The following MTSS2 variants were observed in gnomAD, a reference collection of about 807,000 sequenced individuals.
MTSS2 encodes protein MTSS 2.
In MTSS2, 27 loss-of-function variants were observed where a neutral mutation model predicts 67.1. The observed-to-expected ratio is 0.40, with a 90% CI of 0.30 to 0.55. The LOEUF is 0.55. Among genes scored for constraint, MTSS2 ranks in the 20% least tolerant of loss-of-function variants. The pLI is 0.43. For synonymous variants in MTSS2, 624 were observed against 468.6 expected, an observed-to-expected ratio of 1.33 and a Z score of -4.28; for missense variants, 1,171 against 1,067.8, an observed-to-expected ratio of 1.10 and a Z score of -1.35.
rs2052585884 is a variant in MTSS2 at position 70,663,855 on chromosome 16, C to G, written c.2066G>C (p.Gly689Ala). 1 of 1,542,290 alleles carries G rather than the reference C, an allele frequency of 6.5e-7. No homozygotes were observed. The highest frequency in any genetic ancestry group is 2.4e-5 in the East Asian group (1 of 40,928). Residue 689 changes from glycine to alanine, a missense_variant, in exon 15 of 15, where the codon GGT (glycine) becomes GCT (alanine). Physicochemically the swap from Gly to Ala is moderately conservative, Grantham distance 60. Transcript: ENST00000338779. Reference sequence around the variant, plus strand: ...AGTGGGGAAGGGGAACTGGCCCTCACCCAGTGCGTGGGCACCCGCCACCAG... The same window carrying G: ...AGTGGGGAAGGGGAACTGGCCCTCAGCCAGTGCGTGGGCACCCGCCACCAG... ...GELVAGAHAL[G>A]EGQFPFPTAL...
chr16:70,679,221 T>C, intron 7 of MTSS2, 94 bp downstream of exon 7: 4 of 1,484,448 alleles, frequency 2.7e-6, no homozygotes, highest in Non-Finnish European at 3.8e-6. Context: ...CTCCTTGGCC[T>C]GGAGAGGTTC....
In MTSS2 at chr16:70,662,304, C is replaced by G. The variant is rs1409061952; in HGVS notation, c.*1373G>C. 6.6e-6 allele frequency: 1 copy of G among 152,356 alleles called. No homozygotes were observed. 9.4% of individuals were successfully genotyped at this position (152,356 alleles called of 1,614,324 possible). On this transcript the variant is annotated 3_prime_UTR_variant, in exon 15 of 15. Transcript: ENST00000338779. Reference sequence around the variant, plus strand: ...CTTTCCCTCCTGACCTGCGGGGCCACCAGGACTCCCTCCGCTCGCCCTAGG... The same window carrying G: ...CTTTCCCTCCTGACCTGCGGGGCCAGCAGGACTCCCTCCGCTCGCCCTAGG...
chr16:70,681,006 T>C lies in MTSS2; in HGVS notation c.89A>G (p.Glu30Gly). 1 of 1,610,100 alleles carries C rather than the reference T, an allele frequency of 6.2e-7. No homozygotes were observed. The change falls in exon 2 of 15, where the codon GAG becomes GGG. Residue 30 changes from glutamate to glycine, a missense_variant. Coordinates refer to ENST00000338779, the MANE Select transcript of MTSS2 (RefSeq NM_138383.3). ...NDMKSSYPIWEDFNSKATKLH... is the reference protein window; with the variant it reads ...NDMKSSYPIWGDFNSKATKLH... ...CTTCGTGGCCTTGGAGTTGAAGTCC[T>C]CCCAGATAGGGTAGGAGCTCTGCCG...
At chr16:70,670,347 T>A (rs546948981) in intron 11 of MTSS2, among the ~76,000 whole-genome samples, 22 of 152,298 alleles carry the variant, frequency 1.4e-4, no homozygotes, top group African/African-American at 5.1e-4. Flanking sequence ...TATGAGCACT[T>A]GGCTTACTGT....
At position 70,674,397 on chromosome 16, in the gene MTSS2, G is replaced by C; in HGVS notation, c.962C>G (p.Ser321Cys). The C allele has an allele frequency of 3.7e-6, 6 of 1,614,208 alleles. No individual in the cohort carries two copies. Among genetic ancestry groups the C allele is most frequent in the Non-Finnish European group, 4.2e-6 (5 of 1,180,038 alleles). The change falls in exon 11 of 15, where the codon TCC (serine) becomes TGC (cysteine). Residue 321 changes from serine to cysteine, a missense_variant. Physicochemically the swap from Ser to Cys is moderately radical, Grantham distance 112. This residue lies in a region of MTSS2 where 924 missense variants were observed against 756.0 expected (regional missense o/e 1.22). Coordinates refer to ENST00000338779, the MANE Select transcript of MTSS2 (RefSeq NM_138383.3). ...AQPATTTARL[S>C]SVSSHDSGFV... The stretch of plus-strand genomic sequence containing the variant: ...GCCAGAGTCATGGGAGGAAACGCTG[G>C]AGAGGCGAGCGGTGGTGGTGGCTGG...
chr16:70,661,340 G>GGAAA lies in MTSS2; in HGVS notation c.*2333_*2336dup, dbSNP rs776556639. Reference sequence around the variant, plus strand: ...GAGGAGAATTTTTCCAAAATCTGACGGAAAGAAAAGAAACAAATGGTTCAG... The same window carrying GGAAA: ...GAGGAGAATTTTTCCAAAATCTGACGGAAAGAAAGAAAAGAAACAAATGGTTCAG... On this transcript the variant is annotated 3_prime_UTR_variant, in exon 15 of 15. Transcript: ENST00000338779. 3.7e-5 allele frequency: 16 copies of GGAAA among 430,862 alleles called. No homozygotes were observed. Among genetic ancestry groups the GGAAA allele is most frequent in the South Asian group, 2.5e-4 (16 of 63,220 alleles). 26.7% of individuals were successfully genotyped at this position (430,862 alleles called of 1,614,324 possible).
At chr16:70,681,410 T>C (rs1597828183) in intron 1 of MTSS2, among the ~76,000 whole-genome samples, 1 of 152,324 alleles carries the variant, frequency 6.6e-6, no homozygotes, top group African/African-American at 2.4e-5. Context: ...GCATCGTGTC[T>C]CCCGGACATG....
At chr16:70,665,843 A>T (rs2151911186) in intron 11 of MTSS2, 1 of 282,442 alleles carries the variant, frequency 3.5e-6, no homozygotes, top group East Asian at 7.2e-5. Flanking sequence ...GGGGAAAAAG[A>T]GATACTAAGG....
At chr16:70,680,918 G>GGCCCCCC in intron 2 of MTSS2, 46 bp downstream of exon 2, 1 of 1,097,286 alleles carries the variant, frequency 9.1e-7, no homozygotes, top group Non-Finnish European at 1.3e-6. Flanking sequence ...CGGGGGGGGG[G>GGCCCCCC]CCTCTGCCTG....
Position 70,664,954 on chromosome 16 carries a change from C to T in MTSS2, c.1271G>A (p.Arg424Gln), listed in dbSNP as rs759883229. 1.0e-5 allele frequency: 16 copies of T among 1,566,126 alleles called. No individual in the cohort carries two copies. The highest frequency in any genetic ancestry group is 2.1e-4 in the Middle Eastern group (1 of 4,876). The part of the protein sequence containing the change: ...TLGPSGEEAP[R>Q]PRMSPATIAA... Reference sequence around the variant, plus strand: ...GATGGTGGCAGGGGACATCCGGGGTCGCGGTGCCTCTTCCCCGCTGGGGCC... The same window carrying T: ...GATGGTGGCAGGGGACATCCGGGGTTGCGGTGCCTCTTCCCCGCTGGGGCC... The change falls in exon 13 of 15, where the codon CGA (arginine) becomes CAA (glutamine). Residue 424 changes from arginine to glutamine, a missense_variant. Transcript: ENST00000338779.
intron 11 of MTSS2, among the ~76,000 whole-genome samples, chr16:70,672,256 A>G (rs2052961590): frequency 6.7e-6 from 1 of 149,652 alleles, no homozygotes; most frequent in Non-Finnish European, 1.5e-5. Context: ...CTGAGGCAGG[A>G]GAATCACTTG....
chr16:70,683,401 C>A (rs927958487), intron 1 of MTSS2, among the ~76,000 whole-genome samples: 2 of 152,208 alleles, frequency 1.3e-5, no homozygotes, highest in South Asian at 2.1e-4. Flanking sequence ...GCTAACAGTA[C>A]GCAAGCCCTG....
chr16:70,677,975 C>G, intron 8 of MTSS2, 76 bp from the exon 9 acceptor site: 4 of 1,272,986 alleles, frequency 3.1e-6, no homozygotes, highest in Non-Finnish European at 3.3e-6. Context: ...GGAGAAGCAG[C>G]AGCCCTTGTC....
Position 70,664,273 on chromosome 16 carries a change from C to CTGTGGG in MTSS2, c.1647_1648insCCCACA (p.Pro548_Thr549dup), listed in dbSNP as rs2151905874. ...GGTGCGCCCGAGGGCAGGCCAGTGG[C>CTGTGGG]CGTGGGCAGCCCCGCGGTGGGCAGC... On this transcript the variant is annotated inframe_insertion, in exon 15 of 15. Transcript: ENST00000338779. The CTGTGGG allele has an allele frequency of 6.4e-7, 1 of 1,557,000 alleles. No homozygotes were observed. Among genetic ancestry groups the CTGTGGG allele is most frequent in the Non-Finnish European group, 8.6e-7 (1 of 1,159,004 alleles).
In MTSS2 at chr16:70,680,910, G is replaced by GT. The variant is rs762067649; in HGVS notation, c.132-44_132-43insA. ...GGCATGGATGGTCGGTGGTTGGGCG[G>GT]GGGGGGGGCCTCTGCCTGCCCCTCC... On this transcript the variant is annotated intron_variant, in intron 2 of 14. Coordinates refer to ENST00000338779, the MANE Select transcript of MTSS2 (RefSeq NM_138383.3). The GT allele has an allele frequency of 7.1e-5, 106 of 1,503,208 alleles. No individual in the cohort carries two copies. In the African/African-American group the frequency reaches 1.2e-3, roughly 17 times the overall value. 93.1% of individuals were successfully genotyped at this position (1,503,208 alleles called of 1,614,324 possible).
Position 70,663,786 on chromosome 16 carries a change from G to A in MTSS2, c.2135C>T (p.Pro712Leu), listed in dbSNP as rs775684000. 1.2e-5 allele frequency: 19 copies of A among 1,520,226 alleles called. No individual in the cohort carries two copies. In the East Asian group the frequency reaches 3.2e-4, roughly 26 times the overall value. 94.2% of individuals were successfully genotyped at this position (1,520,226 alleles called of 1,614,324 possible). A position where few individuals can be genotyped will look rare whatever the true frequency, so the allele number is the denominator to read the frequency against. The change falls in exon 15 of 15, where the codon CCA becomes CTA. Residue 712 changes from proline to leucine, a missense_variant. By Grantham distance (98) the Pro-to-Leu change is moderately conservative. Around this residue, in one of 2 missense-constraint regions of MTSS2, gnomAD observed 924 missense variants for 756.0 expected, o/e 1.22. Coordinates refer to ENST00000338779, the MANE Select transcript of MTSS2 (RefSeq NM_138383.3). ...TPTEETPTPPPAATSDPPAED... is the reference protein window; with the variant it reads ...TPTEETPTPPLAATSDPPAED... Reference sequence around the variant, plus strand: ...GGCCGGGGGGTCGCTGGTGGCGGCTGGGGGTGGGGTGGGCGTCTCCTCCGT... The same window carrying A: ...GGCCGGGGGGTCGCTGGTGGCGGCTAGGGGTGGGGTGGGCGTCTCCTCCGT...
At position 70,678,347 on chromosome 16, in the gene MTSS2, G is replaced by A. The variant is rs763367706; in HGVS notation, c.529C>T (p.Leu177=). ...ALQDVNDMYL[L]LEETEKQAVR... ...GCCTGCTTCTCCGTCTCCTCCAGCA[G>A]CAGGTACATGTCGTTGACGTCCTGC... The change falls in exon 8 of 15, where the codon CTG becomes TTG. Residue 177 remains leucine, a synonymous_variant. Transcript: ENST00000338779. 1.9e-6 allele frequency: 3 copies of A among 1,613,006 alleles called. No homozygotes were observed. Among genetic ancestry groups the A allele is most frequent in the Non-Finnish European group, 1.7e-6 (2 of 1,179,988 alleles).
At position 70,667,734 on chromosome 16, in the gene MTSS2, G is replaced by A. The variant is rs763947527; in HGVS notation, c.1054-2194C>T. ...CTAAAAATACAAAAATTAGCCCGGC[G>A]TGGTGGTACATGTCTATAATTCCAG... On this transcript the variant is annotated intron_variant, in intron 11 of 14. Coordinates refer to ENST00000338779, the MANE Select transcript of MTSS2 (RefSeq NM_138383.3). Among the ~76,000 whole-genome samples, 6 of 152,170 alleles carry A rather than the reference G, an allele frequency of 3.9e-5. No homozygotes were observed. In the East Asian group the frequency reaches 5.8e-4, roughly 15 times the overall value.
At chr16:70,676,230 T>G (rs1448300102) in intron 10 of MTSS2, among the ~76,000 whole-genome samples, 1 of 152,208 alleles carries the variant, frequency 6.6e-6, no homozygotes, top group East Asian at 1.9e-4. Context: ...CCAGCCCCAG[T>G]GCCCAGCCAA....
Sources: allele counts gnomAD v4.1 joint callset (sites outside exome capture counted in the v4.1 genomes callset), GRCh38; gene constraint gnomAD v4.1.1; regional missense constraint gnomAD v4.1.1; transcripts MANE v1.5; gene names NCBI Gene and HGNC (gene_info 2026-07-23, HGNC 2026-07-21).